Variants in TPM3 observed in about 807,000 individuals in gnomAD.
The protein encoded by TPM3 is tropomyosin alpha-3 chain.
TPM3 carries 16 observed loss-of-function variants against 43.1 expected under a neutral mutation model. That is an observed-to-expected ratio of 0.37 (90% CI 0.25 to 0.56). TPM3 has a LOEUF of 0.56. TPM3 is among the 20% of genes least tolerant of loss of function. The probability of loss-of-function intolerance (pLI) is 0.77; values close to 1 mark genes in which losing one functional copy is unlikely to be tolerated. For synonymous variants in TPM3, 101 were observed against 116.9 expected, an observed-to-expected ratio of 0.86 and a Z score of 0.88; for missense variants, 176 against 337.2, an observed-to-expected ratio of 0.52 and a Z score of 3.74.
chr1:154,184,988 A>G (rs1434792352), intron 2 of TPM3, among the ~76,000 whole-genome samples: 2 of 151,812 alleles, frequency 1.3e-5, no homozygotes, highest in African/African-American at 4.8e-5. Flanking sequence ...AAACTGTACT[A>G]TAGAATTGAG....
chr1:154,175,839 G>C (rs775214438), intron 3 of TPM3, among the ~76,000 whole-genome samples: 1 of 152,186 alleles, frequency 6.6e-6, no homozygotes, highest in African/African-American at 2.4e-5. Context: ...AGGAGATCCT[G>C]TGTGATGGAG....
At chr1:154,174,364 ATG>A (rs201374790) in intron 3 of TPM3, among the ~76,000 whole-genome samples, 2 of 55,286 alleles carry the variant, frequency 3.6e-5, no homozygotes, top group Non-Finnish European at 6.3e-5. Flanking sequence ...ATTTAAATAT[ATG>A]TGTATATATA....
chr1:154,178,842 C>T (rs1422327223), intron 2 of TPM3, among the ~76,000 whole-genome samples: 1 of 152,194 alleles, frequency 6.6e-6, no homozygotes, highest in Non-Finnish European at 1.5e-5. Flanking sequence ...GGATTCTCCA[C>T]TGCCCAGGAA....
At chr1:154,172,288 A>AT (rs1407163835) in intron 5 of TPM3, 1 of 735,262 alleles carries the variant, frequency 1.4e-6, no homozygotes, top group South Asian at 1.4e-5. Context: ...GGAAGCACAA[A>AT]TACATATGCA....
chr1:154,189,388 T>A (rs958518764), intron 2 of TPM3, among the ~76,000 whole-genome samples: 1 of 151,912 alleles, frequency 6.6e-6, no homozygotes, highest in South Asian at 2.1e-4. Flanking sequence ...CTCGGAAGGC[T>A]GAGGCAGGAG....
At chr1:154,184,832 T>C (rs1208961397) in intron 2 of TPM3, among the ~76,000 whole-genome samples, 2 of 152,010 alleles carry the variant, frequency 1.3e-5, no homozygotes, top group Admixed American at 1.3e-4. Flanking sequence ...GAAGATTTCT[T>C]GAGCCGGGAA....
chr1:154,169,439 G>C (rs1227645876), intron 8 of TPM3, 56 bp from the exon 9 acceptor site: 22 of 1,548,826 alleles, frequency 1.4e-5, no homozygotes, highest in Non-Finnish European at 2.0e-5. Flanking sequence ...AAGAGTTTCA[G>C]AAGCAGATGA....
At chr1:154,170,956 T>A in intron 6 of TPM3, 1 of 568,358 alleles carries the variant, frequency 1.8e-6, no homozygotes, top group South Asian at 2.1e-5. Flanking sequence ...AGCTTTGATA[T>A]TATTCAGATC....
intron 3 of TPM3, among the ~76,000 whole-genome samples, chr1:154,174,789 C>G (rs546745514): frequency 6.6e-6 from 1 of 151,406 alleles, no homozygotes; most frequent in Non-Finnish European, 1.5e-5. Context: ...CCACTGCGCC[C>G]GGCCCTCACT....
intron 2 of TPM3, among the ~76,000 whole-genome samples, chr1:154,185,208 C>T (rs1158227794): frequency 3.3e-5 from 5 of 151,022 alleles, no homozygotes; most frequent in Non-Finnish European, 5.9e-5. Flanking sequence ...CCCGTCTCTA[C>T]TAAAAATGCA....
Position 154,166,540 on chromosome 1 carries a change from T to C in TPM3, c.*1397A>G, listed in dbSNP as rs1660988364. The C allele has an allele frequency of 7.6e-6, 8 of 1,057,796 alleles. No individual in the cohort carries two copies. The South Asian group carries it at 3.6e-4, about 48-fold the overall frequency. The allele number at this position is 1,057,796 out of a possible 1,614,324, so 65.5% of individuals were successfully genotyped here. A position where few individuals can be genotyped will look rare whatever the true frequency, so the allele number is the denominator to read the frequency against. On this transcript the variant is annotated 3_prime_UTR_variant, in exon 10 of 10. Transcript: ENST00000651641. ...TACAGGCAGTACAGGCAAGTGCCAT[T>C]GCACCCAGCTAAAAGAAAAGCAAAT...
chr1:154,157,602 A>C (rs760793745), downstream of TPM3: 7 of 772,708 alleles, frequency 9.1e-6, no homozygotes, highest in African/African-American at 1.2e-4. Flanking sequence ...AGTCTGGGTC[A>C]GAGGGAGGAG....
chr1:154,177,297 C>CA (rs1662447705), intron 2 of TPM3, among the ~76,000 whole-genome samples: 1 of 152,100 alleles, frequency 6.6e-6, no homozygotes, highest in African/African-American at 2.4e-5. Flanking sequence ...ACCATTCCTC[C>CA]AAATTTCTGA....
chr1:154,172,579 G>T, intron 5 of TPM3: 4 of 451,478 alleles, frequency 8.9e-6, no homozygotes, highest in South Asian at 5.9e-5. Context: ...CTTAAATCAG[G>T]ATAGCCACTT....
intron 2 of TPM3, chr1:154,183,329 C>T (rs1663199313): frequency 2.1e-6 from 3 of 1,459,208 alleles, no homozygotes; most frequent in East Asian, 2.5e-5. Flanking sequence ...GGGAGTGGAT[C>T]CTCCCAGTCG....
At chr1:154,179,316 T>C (rs1662682387) in intron 2 of TPM3, among the ~76,000 whole-genome samples, 1 of 152,196 alleles carries the variant, frequency 6.6e-6, no homozygotes, top group South Asian at 2.1e-4. Flanking sequence ...GGTAAAGGGC[T>C]ATCTGCCTCT....
chr1:154,162,222 G>A lies in TPM3; in HGVS notation c.*5715C>T, dbSNP rs527401847. 6.6e-6 allele frequency among the ~76,000 whole-genome samples: 1 copy of A among 151,620 alleles called. No individual in the cohort carries two copies. The highest frequency in any genetic ancestry group is 1.5e-5 in the Non-Finnish European group (1 of 67,896). ...TCTACTAAAAACACAAAAATTAGCC[G>A]GGCTTGGTTGCACGTGCCTGTAATC... On this transcript the variant is annotated 3_prime_UTR_variant, in exon 10 of 10. Coordinates refer to ENST00000651641, the MANE Select transcript of TPM3 (RefSeq NM_152263.4).
In TPM3 at chr1:154,164,227, T is replaced by A. The variant is rs1432568089; in HGVS notation, c.*3710A>T. The stretch of plus-strand genomic sequence containing the variant: ...CCCAGGATGGAGTGCAGCAGTGTGA[T>A]CACAGCTTGCTGCAGCCTCAGACTC... On this transcript the variant is annotated 3_prime_UTR_variant, in exon 10 of 10. Coordinates refer to ENST00000651641, the MANE Select transcript of TPM3 (RefSeq NM_152263.4). Among the ~76,000 whole-genome samples, 2 of 152,086 alleles carry A rather than the reference T, an allele frequency of 1.3e-5. No individual in the cohort carries two copies. The highest frequency in any genetic ancestry group is 4.8e-5 in the African/African-American group (2 of 41,412).
At chr1:154,176,898 GA>G (rs753271927) in intron 2 of TPM3, among the ~76,000 whole-genome samples, 4 of 148,928 alleles carry the variant, frequency 2.7e-5, no homozygotes, top group Non-Finnish European at 5.9e-5. Flanking sequence ...AGAATCCCTT[GA>G]ACCCGGGAGG....
Sources: allele counts gnomAD v4.1 joint callset (sites outside exome capture counted in the v4.1 genomes callset), GRCh38; gene constraint gnomAD v4.1.1; transcripts MANE v1.5; gene names NCBI Gene and HGNC (gene_info 2026-07-23, HGNC 2026-07-21).